The following CHD5 variants were observed in gnomAD, a reference collection of about 807,000 sequenced individuals.
CHD5 encodes chromodomain helicase DNA binding protein 5.
In CHD5, 69 loss-of-function variants were observed where a neutral mutation model predicts 230.3. The observed-to-expected ratio is 0.30, with a 90% confidence interval of 0.25 to 0.37. The LOEUF is 0.37. Among genes scored for constraint, CHD5 ranks in the 10% least tolerant of loss-of-function variants. The pLI, the probability that CHD5 is intolerant of heterozygous loss-of-function variation, is 1.00. For synonymous variants in CHD5, 1,064 were observed against 1,065.9 expected (o/e 1.00, Z 0.03); for missense variants, 1,827 against 2,622.8 (o/e 0.70, Z 6.63).
chr1:6,152,683 G>C, intron 5 of CHD5, 147 bp from the exon 6 acceptor site: 2 of 1,355,136 alleles, frequency 1.5e-6, no homozygotes, highest in South Asian at 1.4e-5. Context: ...GAGGCTTGGA[G>C]AGGTAAACCC....
chr1:6,132,072 T>A (rs1666666463), intron 20 of CHD5, among the ~76,000 whole-genome samples: 1 of 151,640 alleles, frequency 6.6e-6, no homozygotes, highest in Non-Finnish European at 1.5e-5. Context: ...GAGTGCTCCT[T>A]CACAGCCCCC....
In CHD5 at chr1:6,146,468, G is replaced by A. The variant is rs1273229887; in HGVS notation, c.1591-45C>T. ...AAGTCACAGAAGGGAGATGGGCCAT[G>A]GTCCCCTGCATCTCCCTACCCAGCT... is the stretch of plus-strand genomic sequence containing the variant. On this transcript the variant is annotated intron_variant, in intron 10 of 41. Coordinates refer to ENST00000262450, the MANE Select transcript of CHD5 (RefSeq NM_015557.3). The surrounding 1 kb of genome is among the most constrained non-coding windows in gnomAD (Gnocchi z 5.1). 6.4e-7 allele frequency: 1 copy of A among 1,568,866 alleles called. No homozygotes were observed. The highest frequency in any genetic ancestry group is 1.1e-5 in the South Asian group (1 of 88,128).
Position 6,126,614 on chromosome 1 carries a change from G to A in CHD5, c.4036C>T (p.Arg1346Cys). The A allele has an allele frequency of 1.9e-6, 3 of 1,613,788 alleles. No individual in the cohort carries two copies. Among genetic ancestry groups the A allele is most frequent in the Non-Finnish European group, 2.5e-6 (3 of 1,180,026 alleles). ...GCATCGTTGTAGTTGACCTGCTTGCGGATGCGCTTGCCCTTGCCCAGGTTG... is the reference window on the plus strand; with the variant it reads ...GCATCGTTGTAGTTGACCTGCTTGCAGATGCGCTTGCCCTTGCCCAGGTTG... ...ARNLGKGKRI[R>C]KQVNYNDASQ... The change falls in exon 26 of 42, where the codon CGC becomes TGC. Residue 1346 changes from arginine (R) to cysteine (C), a missense_variant. This residue lies in a region of CHD5 where 137 missense variants were observed against 272.7 expected (regional missense o/e 0.50). Coordinates refer to ENST00000262450, the MANE Select transcript of CHD5 (RefSeq NM_015557.3). The surrounding 1 kb of genome is among the most constrained non-coding windows in gnomAD (Gnocchi z 5.7).
chr1:6,151,133 T>C lies in CHD5; in HGVS notation c.893A>G (p.Glu298Gly). The C allele has an allele frequency of 6.2e-7, 1 of 1,608,286 alleles. No individual in the cohort carries two copies. The highest frequency in any genetic ancestry group is 8.5e-7 in the Non-Finnish European group (1 of 1,177,040). The stretch of plus-strand genomic sequence containing the variant: ...GATGCTGGCGCTGTCGAAGTCCGAC[T>C]CCTCCCTCTCATCTTCTTCACTCTG... ...GSSSEEDERE[E>G]SDFDSASIHS... The change falls in exon 7 of 42, where the codon GAG (glutamate) becomes GGG (glycine). Residue 298 changes from glutamate (E) to glycine (G), a missense_variant. Around this residue, in one of 14 missense-constraint regions of CHD5, gnomAD observed 657 missense variants for 816.4 expected, o/e 0.80. Transcript: ENST00000262450.
intron 2 of CHD5, among the ~76,000 whole-genome samples, chr1:6,164,769 A>G (rs1435603772): frequency 1.3e-5 from 2 of 151,794 alleles, no homozygotes; most frequent in East Asian, 3.9e-4. Flanking sequence ...GGGAGGGGGC[A>G]CCTCTGGAGG....
chr1:6,176,097 C>T (rs963186283), intron 1 of CHD5, among the ~76,000 whole-genome samples: 2 of 152,102 alleles, frequency 1.3e-5, no homozygotes, highest in Non-Finnish European at 2.9e-5. Context: ...CAATGAATAA[C>T]CCACTGGCCA....
intron 31 of CHD5, among the ~76,000 whole-genome samples, chr1:6,123,738 A>G (rs1666508736): frequency 6.6e-6 from 1 of 152,104 alleles, no homozygotes; most frequent in South Asian, 2.1e-4. Context: ...CAGTTTTTTA[A>G]AAGAGTGAAT....
At position 6,121,625 on chromosome 1, in the gene CHD5, T is replaced by C. The variant is rs1168067460; in HGVS notation, c.4700-52A>G. On this transcript the variant is annotated intron_variant, in intron 31 of 41. Coordinates refer to ENST00000262450, the MANE Select transcript of CHD5 (RefSeq NM_015557.3). The surrounding 1 kb of genome is among the most constrained non-coding windows in gnomAD (Gnocchi z 4.5). The stretch of plus-strand genomic sequence containing the variant: ...ACAGGTGGGCTCAGACGGGAAGGAG[T>C]AGGGCAGGGAGTGGGGTGGCAGAGA... 2.1e-6 allele frequency: 3 copies of C among 1,395,446 alleles called. No individual in the cohort carries two copies. The African/African-American group carries it at 4.3e-5, about 20-fold the overall frequency. 86.4% of individuals were successfully genotyped at this position (1,395,446 alleles called of 1,614,324 possible).
intron 37 of CHD5, 130 bp from the exon 38 acceptor site, chr1:6,110,120 C>T (rs1211883674): frequency 2.0e-6 from 2 of 977,046 alleles, no homozygotes; most frequent in Non-Finnish European, 2.9e-6. Flanking sequence ...CCATCTGCTG[C>T]CCACCCTGGC....
Position 6,167,904 on chromosome 1 carries a change from C to T in CHD5, c.207+246G>A, listed in dbSNP as rs367671426. On this transcript the variant is annotated intron_variant, in intron 2 of 41. Coordinates refer to ENST00000262450, the MANE Select transcript of CHD5 (RefSeq NM_015557.3). This position sits in a 1 kb window ranked among gnomAD's most constrained non-coding sequence, Gnocchi z 4.5. Reference sequence around the variant, plus strand: ...CTGTCCCTCGCACAGGATAGGACAACGGGAGGAAGGAAAAATGACGCTCCG... The same window carrying T: ...CTGTCCCTCGCACAGGATAGGACAATGGGAGGAAGGAAAAATGACGCTCCG... Among the ~76,000 whole-genome samples the T allele has an allele frequency of 6.6e-5, 10 of 152,116 alleles. No individual in the cohort carries two copies. Among genetic ancestry groups the T allele is most frequent in the South Asian group, 6.2e-4 (3 of 4,826 alleles).
At position 6,142,356 on chromosome 1, in the gene CHD5, C is replaced by A. The variant is rs1425840627; in HGVS notation, c.2236-28G>T. On this transcript the variant is annotated intron_variant, in intron 14 of 41. Coordinates refer to ENST00000262450, the MANE Select transcript of CHD5 (RefSeq NM_015557.3). The surrounding 1 kb of genome is among the most constrained non-coding windows in gnomAD (Gnocchi z 5.2). ...GGAGAGAGAGGCCGATGCCGTGAGA[C>A]CACCTGCCCTTGGCCAGGACCAGCC... is the stretch of plus-strand genomic sequence containing the variant. 6.3e-7 allele frequency: 1 copy of A among 1,596,380 alleles called. No individual in the cohort carries two copies. Among genetic ancestry groups the A allele is most frequent in the African/African-American group, 1.3e-5 (1 of 74,558 alleles).
chr1:6,123,354 G>C (rs892165759), intron 31 of CHD5, among the ~76,000 whole-genome samples: 24 of 152,204 alleles, frequency 1.6e-4, no homozygotes, highest in African/African-American at 5.5e-4. Context: ...TTTTTCAGGG[G>C]GAATGAAAAT....
chr1:6,112,418 C>A (rs1571139295), intron 34 of CHD5, 141 bp from the exon 35 acceptor site: 2 of 1,046,076 alleles, frequency 1.9e-6, no homozygotes, highest in East Asian at 4.8e-5. Context: ...CCAGAAGGGT[C>A]TTAAACAAGC....
Position 6,103,001 on chromosome 1 carries a change from G to T in CHD5, c.*2473C>A, listed in dbSNP as rs1666097517. On this transcript the variant is annotated 3_prime_UTR_variant, in exon 42 of 42. Coordinates refer to ENST00000262450, the MANE Select transcript of CHD5 (RefSeq NM_015557.3). ...TTCCAATCGCAGACTGGCACTTTGG[G>T]CTCGCGTTCATGCCCGAGGACCCTG... The T allele has an allele frequency of 6.6e-6, 1 of 152,458 alleles. No individual in the cohort carries two copies. The highest frequency in any genetic ancestry group is 1.5e-5 in the Non-Finnish European group (1 of 68,062). The allele number at this position is 152,458 out of a possible 1,614,324, so 9.4% of individuals were successfully genotyped here.
chr1:6,110,182 C>G (rs895050116), intron 37 of CHD5, among the ~76,000 whole-genome samples, 192 bp from the exon 38 acceptor site: 3 of 152,228 alleles, frequency 2.0e-5, no homozygotes, highest in Admixed American at 2.0e-4. Flanking sequence ...CTCTGTACCC[C>G]AACACCCCAA....
At chr1:6,145,202 G>A (rs562951879) in intron 11 of CHD5, among the ~76,000 whole-genome samples, 3 of 152,260 alleles carry the variant, frequency 2.0e-5, no homozygotes, top group Non-Finnish European at 4.4e-5. Flanking sequence ...CCTCTGGCAA[G>A]CTCCTGTCAC....
At chr1:6,151,267 T>G (rs1667003477) in intron 6 of CHD5, 112 bp from the exon 7 acceptor site, 1 of 1,253,946 alleles carries the variant, frequency 8.0e-7, no homozygotes, top group Admixed American at 2.8e-5. Flanking sequence ...GACACAGTGC[T>G]CTCTGTGATT....
At chr1:6,148,751 G>A (rs1666950307) in intron 9 of CHD5, 103 bp downstream of exon 9, 8 of 859,536 alleles carry the variant, frequency 9.3e-6, no homozygotes, top group Middle Eastern at 7.6e-4. Flanking sequence ...GGCAGGAGCC[G>A]GCAGGGGCGG....
chr1:6,123,296 G>T (rs1666500064), intron 31 of CHD5, among the ~76,000 whole-genome samples: 1 of 152,194 alleles, frequency 6.6e-6, no homozygotes, highest in African/African-American at 2.4e-5. Flanking sequence ...GGCTGCCCAG[G>T]CCTGGGGTGG....
Sources: gnomAD v4.1 joint callset for allele counts (sites outside exome capture counted in the v4.1 genomes callset) on GRCh38, gnomAD v4.1.1 for gene constraint, gnomAD v4.1.1 regional missense constraint, Gnocchi (gnomAD v3.1) non-coding constraint, MANE v1.5 for transcripts, NCBI Gene and HGNC (gene_info 2026-07-23, HGNC 2026-07-21) for gene names.